PTPRN2: variants seen among roughly 807,000 people sequenced by gnomAD.
The protein encoded by PTPRN2 is protein tyrosine phosphatase receptor type N2, also known as receptor-type tyrosine-protein phosphatase N2.
In PTPRN2, 74 loss-of-function variants were observed where a neutral mutation model predicts 118.8. The observed-to-expected ratio is 0.62, with a 90% CI of 0.52 to 0.76. PTPRN2 has a LOEUF of 0.76. Among genes scored for constraint, PTPRN2 ranks in the 30% least tolerant of loss-of-function variants. PTPRN2 has a pLI of 0.00. For missense variants in PTPRN2, 1,481 were observed against 1,394.4 expected (o/e 1.06, Z -0.99); for synonymous variants, 641 against 608.0 (o/e 1.05, Z -0.80).
intron 11 of PTPRN2, among the ~76,000 whole-genome samples, chr7:157,902,554 G>A (rs534677482): frequency 6.9e-5 from 10 of 145,596 alleles, no homozygotes; most frequent in Non-Finnish European, 1.4e-4. Context: ...GACCAGCCCC[G>A]CGGTGGTCTG....
rs2151097917 is a variant in PTPRN2, at chr7:157,801,833, C to CA, written c.1788+96839dup. Among the ~76,000 whole-genome samples the CA allele has an allele frequency of 6.6e-6, 1 of 152,244 alleles. No individual in the cohort carries two copies. Among genetic ancestry groups the CA allele is most frequent in the East Asian group, 1.9e-4 (1 of 5,168 alleles). ...GGTCCTTGGCTTCCTGTGTCTCCCCCAAAACACACGTGGCTTATCAGAAAC... is the reference window on the plus strand; with the variant it reads ...GGTCCTTGGCTTCCTGTGTCTCCCCCAAAAACACACGTGGCTTATCAGAAAC... On this transcript the variant is annotated intron_variant, in intron 12 of 22. Coordinates refer to ENST00000389418, the MANE Select transcript of PTPRN2 (RefSeq NM_002847.5). The surrounding 1 kb of genome is among the most constrained non-coding windows in gnomAD (Gnocchi z 4.2).
intron 11 of PTPRN2, among the ~76,000 whole-genome samples, chr7:157,963,201 C>T (rs1801666302): frequency 2.0e-5 from 3 of 152,256 alleles, no homozygotes; most frequent in African/African-American, 7.2e-5. Context: ...GACCTGCAGT[C>T]AGAGACAGTC....
intron 2 of PTPRN2, among the ~76,000 whole-genome samples, chr7:158,368,936 T>G (rs1258159882): frequency 6.6e-6 from 1 of 152,168 alleles, no homozygotes; most frequent in Non-Finnish European, 1.5e-5. Flanking sequence ...ATCCTGGGTG[T>G]GTCTGTGAGG....
At chr7:158,108,912 G>A (rs1815930245) in intron 10 of PTPRN2, among the ~76,000 whole-genome samples, 1 of 152,276 alleles carries the variant, frequency 6.6e-6, no homozygotes, top group Admixed American at 6.5e-5. Flanking sequence ...AGGTCAACCT[G>A]TGTGAAGGGG....
chr7:157,716,458 G>T (rs371923087), intron 12 of PTPRN2, among the ~76,000 whole-genome samples: 1 of 87,260 alleles, frequency 1.1e-5, no homozygotes, highest in African/African-American at 6.0e-5. Context: ...GCCTGGCCAC[G>T]TAGACTCTGC....
intron 3 of PTPRN2, among the ~76,000 whole-genome samples, chr7:158,225,124 T>A (rs920400507): frequency 1.3e-5 from 2 of 152,058 alleles, no homozygotes; most frequent in Non-Finnish European, 2.9e-5. Context: ...TTTTTTTTTC[T>A]TTTTTACTGT....
intron 1 of PTPRN2, among the ~76,000 whole-genome samples, chr7:158,494,173 C>T (rs1028453625): frequency 1.3e-5 from 2 of 152,246 alleles, no homozygotes; most frequent in African/African-American, 2.4e-5. Flanking sequence ...GAGCCCACCA[C>T]CTCTCTCACT....
At chr7:158,007,840 G>A (rs186603374) in intron 11 of PTPRN2, among the ~76,000 whole-genome samples, 1 of 148,298 alleles carries the variant, frequency 6.7e-6, no homozygotes, top group Non-Finnish European at 1.5e-5. Context: ...GGGGTGTGTG[G>A]GTGTGTGTGT....
chr7:157,883,063 C>A, intron 12 of PTPRN2, among the ~76,000 whole-genome samples: 1 of 150,738 alleles, frequency 6.6e-6, no homozygotes, highest in African/African-American at 2.4e-5. Context: ...CACACCACCT[C>A]AAAATGACTG....
At chr7:157,719,605 T>C (rs551251325) in intron 12 of PTPRN2, among the ~76,000 whole-genome samples, 16 of 152,310 alleles carry the variant, frequency 1.1e-4, no homozygotes, top group African/African-American at 3.9e-4. Context: ...TAACAGCCAG[T>C]GGCAGTGGAA....
rs933555302 is a variant in PTPRN2 at position 157,845,217 on chromosome 7, G to A, written c.1788+53456C>T. Among the ~76,000 whole-genome samples the A allele has an allele frequency of 5.9e-5, 9 of 152,164 alleles. No individual in the cohort carries two copies. Among genetic ancestry groups the A allele is most frequent in the African/African-American group, 2.2e-4 (9 of 41,430 alleles). ...AAAAAGATACACAGGCTAATGTAAT[G>A]AATACACTAGCACCCTTAGCCAGCT... On this transcript the variant is annotated intron_variant, in intron 12 of 22. Coordinates refer to ENST00000389418, the MANE Select transcript of PTPRN2 (RefSeq NM_002847.5). This position sits in a 1 kb window ranked among gnomAD's most constrained non-coding sequence, Gnocchi z 4.5.
chr7:158,332,682 C>T (rs1245437545), intron 2 of PTPRN2, among the ~76,000 whole-genome samples: 1 of 148,912 alleles, frequency 6.7e-6, no homozygotes. Flanking sequence ...CACACCCACA[C>T]TCTAACCATA....
rs138578562 is a variant in PTPRN2, at chr7:157,787,873, C to T, written c.1789-104936G>A. On this transcript the variant is annotated intron_variant, in intron 12 of 22. Coordinates refer to ENST00000389418, the MANE Select transcript of PTPRN2 (RefSeq NM_002847.5). This position sits in a 1 kb window ranked among gnomAD's most constrained non-coding sequence, Gnocchi z 5.3. Reference sequence around the variant, plus strand: ...TTGGCATCTCCCTCACACCTCTGCACCCCCAGTGGATAAAAGCTGCTGGCA... The same window carrying T: ...TTGGCATCTCCCTCACACCTCTGCATCCCCAGTGGATAAAAGCTGCTGGCA... Among the ~76,000 whole-genome samples, 294 of 152,244 alleles carry T rather than the reference C, an allele frequency of 1.9e-3. No homozygotes were observed. Among genetic ancestry groups the T allele is most frequent in the African/African-American group, 6.5e-3 (272 of 41,544 alleles).
chr7:157,997,969 T>G (rs1475469341), intron 11 of PTPRN2, among the ~76,000 whole-genome samples: 4 of 23,970 alleles, frequency 1.7e-4, no homozygotes, highest in Admixed American at 5.5e-4. Flanking sequence ...GAGAGGAGTG[T>G]GGGGCTGGGG....
chr7:158,053,744 T>TGCAGAGACTCCAGAGAC lies in PTPRN2; in HGVS notation c.1723+27537_1723+27553dup, dbSNP rs1809512241. ...CCCAGAGATGCAGAGACCCTAGAGA[T>TGCAGAGACTCCAGAGAC]GCAGAGACTCCAGAGACGCAGAGAC... is the stretch of plus-strand genomic sequence containing the variant. On this transcript the variant is annotated intron_variant, in intron 11 of 22. Coordinates refer to ENST00000389418, the MANE Select transcript of PTPRN2 (RefSeq NM_002847.5). Among the ~76,000 whole-genome samples, 3 of 140,840 alleles carry TGCAGAGACTCCAGAGAC rather than the reference T, an allele frequency of 2.1e-5. No homozygotes were observed. In the East Asian group the frequency reaches 6.4e-4, roughly 30 times the overall value. The allele number at this position is 140,840 out of a possible 152,430, so 92.4% of individuals were successfully genotyped here. A position where few individuals can be genotyped will look rare whatever the true frequency, so the allele number is the denominator to read the frequency against.
intron 2 of PTPRN2, among the ~76,000 whole-genome samples, chr7:158,404,731 CCCCAGCTCTCCGGCT>C (rs1291575300): frequency 1.4e-5 from 2 of 144,946 alleles, no homozygotes; most frequent in African/African-American, 5.2e-5. Flanking sequence ...GCTCTCCGGC[CCCCAGCTCTCCGGCT>C]TCCAGCTCCC....
intron 4 of PTPRN2, among the ~76,000 whole-genome samples, chr7:158,204,165 G>A (rs1257553822): frequency 2.0e-5 from 3 of 150,146 alleles, no homozygotes; most frequent in East Asian, 2.0e-4. Flanking sequence ...CGGCGTTCTG[G>A]GGAAAGAAGC....
chr7:157,961,231 AT>A (rs1377819951), intron 11 of PTPRN2, among the ~76,000 whole-genome samples: 62 of 151,996 alleles, frequency 4.1e-4, no homozygotes, highest in Non-Finnish European at 1.0e-4. Flanking sequence ...CACAATATAG[AT>A]ATTAAGAATT....
intron 12 of PTPRN2, among the ~76,000 whole-genome samples, chr7:157,832,808 G>A (rs1296730966): frequency 1.3e-5 from 2 of 152,240 alleles, no homozygotes; most frequent in Non-Finnish European, 2.9e-5. Flanking sequence ...CTTCCTTCTA[G>A]TAGCAAAAGC....
Sources: gnomAD v4.1 joint callset for allele counts (sites outside exome capture counted in the v4.1 genomes callset) on GRCh38, gnomAD v4.1.1 for gene constraint, Gnocchi (gnomAD v3.1) non-coding constraint, MANE v1.5 for transcripts, NCBI Gene and HGNC (gene_info 2026-07-23, HGNC 2026-07-21) for gene names.